Variants in LRP1B observed in about 807,000 individuals in gnomAD.
LRP1B encodes the protein LDL receptor related protein 1B.
In LRP1B, 217 loss-of-function variants were observed where a neutral mutation model predicts 556.6. That is an observed-to-expected ratio of 0.39 (90% CI 0.35 to 0.44). The LOEUF is 0.44. LRP1B is among the 20% of genes least tolerant of loss of function. The pLI, the probability that LRP1B is intolerant of heterozygous loss-of-function variation, is 1.00. For missense variants in LRP1B, 5,053 were observed against 5,620.8 expected, an observed-to-expected ratio of 0.90 and a Z score of 3.23; for synonymous variants, 2,047 against 1,865.8, an observed-to-expected ratio of 1.10 and a Z score of -2.50.
chr2:141,964,148 T>A (rs1294011825), intron 1 of LRP1B, among the ~76,000 whole-genome samples: 1 of 150,610 alleles, frequency 6.6e-6, no homozygotes, highest in African/African-American at 2.4e-5. Context: ...AGAATTAATA[T>A]CATGAAAATG....
intron 7 of LRP1B, among the ~76,000 whole-genome samples, chr2:141,070,840 C>T (rs566056254): frequency 5.9e-5 from 9 of 151,914 alleles, no homozygotes; most frequent in Non-Finnish European, 7.4e-5. Context: ...CAATAACAGG[C>T]TCTGAAATTG....
At chr2:142,125,042 G>C (rs905266213) in intron 1 of LRP1B, among the ~76,000 whole-genome samples, 1 of 151,784 alleles carries the variant, frequency 6.6e-6, no homozygotes, top group African/African-American at 2.4e-5. Flanking sequence ...TGGAGAGAAA[G>C]AGAGATGGAG....
chr2:141,636,494 T>G (rs1166945924), intron 2 of LRP1B, among the ~76,000 whole-genome samples: 2 of 152,178 alleles, frequency 1.3e-5, no homozygotes, highest in African/African-American at 4.8e-5. Context: ...GGTGTGTAAA[T>G]TGGTAAAGTC....
At chr2:140,781,141 G>A (rs1379326343) in intron 32 of LRP1B, among the ~76,000 whole-genome samples, 1 of 152,104 alleles carries the variant, frequency 6.6e-6, no homozygotes. Context: ...ATGGGTAAAG[G>A]AGCAGATACA....
intron 83 of LRP1B, among the ~76,000 whole-genome samples, chr2:140,311,034 G>A (rs1404989030): frequency 2.0e-5 from 3 of 151,776 alleles, no homozygotes; most frequent in Non-Finnish European, 4.4e-5. Flanking sequence ...ATAACAGATG[G>A]CAAGGATGTA....
intron 6 of LRP1B, among the ~76,000 whole-genome samples, chr2:141,203,257 G>A (rs2105230923): frequency 6.6e-6 from 1 of 152,008 alleles, no homozygotes; most frequent in Admixed American, 6.5e-5. Context: ...ATTGGAAAAA[G>A]AGTCAAGACC....
At chr2:140,854,836 C>T (rs951803810) in intron 27 of LRP1B, among the ~76,000 whole-genome samples, 2 of 152,124 alleles carry the variant, frequency 1.3e-5, no homozygotes. Flanking sequence ...TTATAAGAGA[C>T]ACTACTGCAA....
chr2:141,209,015 T>C (rs1460925056), intron 6 of LRP1B, among the ~76,000 whole-genome samples: 1 of 151,724 alleles, frequency 6.6e-6, no homozygotes, highest in South Asian at 2.1e-4. Context: ...GATGCTAATA[T>C]GTATTAGATA....
At chr2:140,861,244 T>TAAAATTACA (rs1208394286) in intron 27 of LRP1B, among the ~76,000 whole-genome samples, 4 of 152,104 alleles carry the variant, frequency 2.6e-5, no homozygotes, top group South Asian at 2.1e-4. Flanking sequence ...TCATCTCTAC[T>TAAAATTACA]AAAATTACAA....
intron 47 of LRP1B, among the ~76,000 whole-genome samples, chr2:140,530,691 T>C (rs10496845): frequency 0.064 from 9,753 of 152,200 alleles, 548 homozygotes; most frequent in African/African-American, 0.16. Context: ...AGTATATGCT[T>C]GTGTTTCCAT....
At chr2:140,630,680 C>G (rs1054763910) in intron 41 of LRP1B, among the ~76,000 whole-genome samples, 1 of 152,132 alleles carries the variant, frequency 6.6e-6, no homozygotes, top group South Asian at 2.1e-4. Context: ...AAAAAAAACC[C>G]TCATGTTTCT....
At chr2:141,394,969 G>A (rs902550463) in intron 3 of LRP1B, among the ~76,000 whole-genome samples, 1 of 152,020 alleles carries the variant, frequency 6.6e-6, no homozygotes, top group African/African-American at 2.4e-5. Flanking sequence ...TCTTTCCAAC[G>A]TAATTAAGTA....
intron 77 of LRP1B, among the ~76,000 whole-genome samples, chr2:140,346,879 A>C (rs1003088907): frequency 6.6e-6 from 1 of 152,000 alleles, no homozygotes; most frequent in Non-Finnish European, 1.5e-5. Context: ...TAAGAAAAAG[A>C]TATGATTATT....
intron 2 of LRP1B, among the ~76,000 whole-genome samples, chr2:141,790,088 G>A (rs560655181): frequency 6.6e-6 from 1 of 151,814 alleles, no homozygotes; most frequent in East Asian, 1.9e-4. Context: ...TCATTTTTCA[G>A]GTGTTAATGC....
intron 14 of LRP1B, among the ~76,000 whole-genome samples, chr2:141,010,366 G>C (rs929785488): frequency 1.3e-5 from 2 of 152,006 alleles, no homozygotes; most frequent in Admixed American, 1.3e-4. Flanking sequence ...TTTACCAAAA[G>C]AAATCACAGT....
At chr2:141,184,283 C>T (rs1288385994) in intron 7 of LRP1B, among the ~76,000 whole-genome samples, 5 of 151,986 alleles carry the variant, frequency 3.3e-5, no homozygotes, top group Admixed American at 3.3e-4. Flanking sequence ...CTTATGGTGT[C>T]CTCAGAGGAC....
intron 3 of LRP1B, among the ~76,000 whole-genome samples, chr2:141,420,934 A>T (rs1348588471): frequency 6.6e-6 from 1 of 152,150 alleles, no homozygotes; most frequent in Non-Finnish European, 1.5e-5. Context: ...AAAGATAGTA[A>T]ATTGGAGTGT....
intron 37 of LRP1B, among the ~76,000 whole-genome samples, chr2:140,711,978 G>A (rs765662994): frequency 6.6e-6 from 1 of 152,150 alleles, no homozygotes; most frequent in African/African-American, 2.4e-5. Flanking sequence ...AAATGTCTAA[G>A]TGGGGATTCC....
chr2:141,092,024 T>C (rs928259293), intron 7 of LRP1B, among the ~76,000 whole-genome samples: 4 of 152,236 alleles, frequency 2.6e-5, no homozygotes, highest in Non-Finnish European at 5.9e-5. Flanking sequence ...ATGTTTAATA[T>C]GAGAAGTATT....
Sources: allele counts gnomAD v4.1 joint callset (sites outside exome capture counted in the v4.1 genomes callset), GRCh38; gene constraint gnomAD v4.1.1; transcripts MANE v1.5; gene names NCBI Gene and HGNC (gene_info 2026-07-23, HGNC 2026-07-21).